The following COPB1 variants were observed in gnomAD, a reference collection of about 807,000 sequenced individuals.
COPB1 encodes coatomer subunit beta.
A neutral mutation model predicts 108.7 loss-of-function variants in COPB1; 21 were observed. That is an observed-to-expected ratio of 0.19 (90% CI 0.14 to 0.28). The LOEUF (loss-of-function observed/expected upper bound fraction) is 0.28. Among genes scored for constraint, COPB1 ranks in the 10% least tolerant of loss-of-function variants. COPB1 has a pLI of 1.00. For missense variants in COPB1, 919 were observed against 1,141.3 expected, an observed-to-expected ratio of 0.81 and a Z score of 2.81; for synonymous variants, 378 against 386.8, an observed-to-expected ratio of 0.98 and a Z score of 0.27.
chr11:14,458,401 A>T, intron 21 of COPB1, 131 bp downstream of exon 21: 1 of 838,156 alleles, frequency 1.2e-6, no homozygotes, highest in African/African-American at 1.8e-5. Flanking sequence ...ACTTCTATTC[A>T]GAGTATATTA....
chr11:14,481,826 T>C (rs1326026493), intron 8 of COPB1, among the ~76,000 whole-genome samples: 2 of 152,112 alleles, frequency 1.3e-5, no homozygotes, highest in African/African-American at 4.8e-5. Context: ...TCTTGCTCTG[T>C]CACCCAGGCT....
intron 21 of COPB1, 25 bp from the exon 22 acceptor site, chr11:14,457,908 A>G: frequency 5.7e-6 from 8 of 1,407,320 alleles, no homozygotes; most frequent in Non-Finnish European, 7.8e-6. Context: ...TAAGATATTT[A>G]TAATTATTTA....
intron 15 of COPB1, among the ~76,000 whole-genome samples, 155 bp from the exon 16 acceptor site, chr11:14,469,015 A>C (rs1850346301): frequency 6.6e-6 from 1 of 152,126 alleles, no homozygotes; most frequent in African/African-American, 2.4e-5. Flanking sequence ...TTTCTTCCTG[A>C]GACAGGCTGT....
At chr11:14,486,182 G>A (rs1355759293) in intron 7 of COPB1, among the ~76,000 whole-genome samples, 185 bp downstream of exon 7, 1 of 152,208 alleles carries the variant, frequency 6.6e-6, no homozygotes, top group East Asian at 1.9e-4. Context: ...ATATATGTGT[G>A]TATGAAAGCA....
intron 6 of COPB1, among the ~76,000 whole-genome samples, chr11:14,487,861 A>G (rs1850812298): frequency 6.6e-6 from 1 of 152,220 alleles, no homozygotes. Flanking sequence ...CATATTTAAT[A>G]AAGCCATCTG....
intron 5 of COPB1, among the ~76,000 whole-genome samples, chr11:14,489,471 C>G (rs1850847366): frequency 6.6e-6 from 1 of 152,188 alleles, no homozygotes; most frequent in Admixed American, 6.5e-5. Context: ...ATTGAAGCAA[C>G]CCAAGTGTCC....
In COPB1 at chr11:14,461,230, C is replaced by T. The variant is rs1271604862; in HGVS notation, c.2512G>A (p.Ala838Thr). Residue 838 changes from alanine to threonine, a missense_variant, in exon 19 of 22, where the codon GCA becomes ACA. Ala to Thr is a moderately conservative substitution (Grantham distance 58). Transcript: ENST00000439561. ...TCGGCCCACATCTGACGGAATTCTG[C>T]ATCAGTGCAAGTTGCAGGCTGGATA... Reference protein sequence around the residue: ...DYIQPATCTDAEFRQMWAEFE... With the variant: ...DYIQPATCTDTEFRQMWAEFE... 4 of 1,614,164 alleles carry T rather than the reference C, an allele frequency of 2.5e-6. No homozygotes were observed. The Admixed American group carries it at 6.7e-5, about 27-fold the overall frequency.
rs1419615447 is a variant in COPB1 at position 14,493,658 on chromosome 11, T to C, written c.475A>G (p.Ile159Val). 1.2e-6 allele frequency: 2 copies of C among 1,611,546 alleles called. No homozygotes were observed. Among genetic ancestry groups the C allele is most frequent in the Admixed American group, 3.4e-5 (2 of 59,416 alleles). ...TTTATTTACCTATAGATGGTATAGA[T>C]GGCCAAAACAGCATTTCTTCTAACA... ...SYVRRNAVLAIYTIYRNFEHL... is the reference protein window; with the variant it reads ...SYVRRNAVLAVYTIYRNFEHL... Residue 159 changes from isoleucine to valine, a missense_variant, in exon 4 of 22, where the codon ATC becomes GTC. Physicochemically the swap from Ile to Val is conservative, Grantham distance 29. Around this residue, in one of 5 missense-constraint regions of COPB1, gnomAD observed 78 missense variants for 95.4 expected, o/e 0.82. Coordinates refer to ENST00000439561, the MANE Select transcript of COPB1 (RefSeq NM_001144061.2).
At chr11:14,495,300 C>T (rs1850993342) in intron 2 of COPB1, among the ~76,000 whole-genome samples, 1 of 152,072 alleles carries the variant, frequency 6.6e-6, no homozygotes, top group Non-Finnish European at 1.5e-5. Flanking sequence ...AATGAATTAT[C>T]TTGGGAAGGG....
At chr11:14,487,670 G>A (rs959525051) in intron 6 of COPB1, among the ~76,000 whole-genome samples, 3 of 150,058 alleles carry the variant, frequency 2.0e-5, no homozygotes, top group African/African-American at 4.9e-5. Flanking sequence ...GTGAGACTCT[G>A]CCCAAAAAAA....
At chr11:14,481,520 C>T (rs537093456) in intron 8 of COPB1, among the ~76,000 whole-genome samples, 1 of 152,242 alleles carries the variant, frequency 6.6e-6, no homozygotes, top group South Asian at 2.1e-4. Flanking sequence ...AGGGCATAAC[C>T]ACCAAATACG....
At chr11:14,477,465 G>A (rs1057053488) in intron 11 of COPB1, among the ~76,000 whole-genome samples, 4 of 151,120 alleles carry the variant, frequency 2.6e-5, no homozygotes, top group African/African-American at 9.7e-5. Context: ...GCTGAGGCCA[G>A]CGGATCACTT....
At chr11:14,473,657 T>C (rs1565016194) in intron 14 of COPB1, among the ~76,000 whole-genome samples, 1 of 152,084 alleles carries the variant, frequency 6.6e-6, no homozygotes, top group Non-Finnish European at 1.5e-5. Flanking sequence ...ACAACTATGA[T>C]AGTAACATTA....
At chr11:14,468,571 T>C in intron 16 of COPB1, 110 bp downstream of exon 16, 1 of 1,029,884 alleles carries the variant, frequency 9.7e-7, no homozygotes, top group Non-Finnish European at 1.4e-6. Flanking sequence ...TTAATGGACC[T>C]ATCACAGTGA....
intron 14 of COPB1, among the ~76,000 whole-genome samples, chr11:14,473,189 G>T (rs1449484872): frequency 6.6e-6 from 1 of 152,132 alleles, no homozygotes; most frequent in African/African-American, 2.4e-5. Flanking sequence ...TGGCCAGGCT[G>T]GTCTCGAACT....
In COPB1 at chr11:14,458,527, G is replaced by A. The variant is rs949339997; in HGVS notation, c.2802+5C>T. The stretch of plus-strand genomic sequence containing the variant: ...AGATACTCTCAAAAAAAAAGGAACT[G>A]TTACCTGGCTCTTTGCACGAATTCT... On this transcript the variant is annotated splice_donor_5th_base_variant and intron_variant, in intron 21 of 21. Coordinates refer to ENST00000439561, the MANE Select transcript of COPB1 (RefSeq NM_001144061.2). 1.2e-6 allele frequency: 2 copies of A among 1,603,198 alleles called. No individual in the cohort carries two copies. Among genetic ancestry groups the A allele is most frequent in the South Asian group, 1.1e-5 (1 of 88,740 alleles).
intron 5 of COPB1, among the ~76,000 whole-genome samples, chr11:14,488,856 T>A (rs948060402): frequency 2.0e-5 from 3 of 152,198 alleles, no homozygotes; most frequent in Non-Finnish European, 4.4e-5. Context: ...GTTATGGGAT[T>A]CAGGGTATCC....
intron 12 of COPB1, among the ~76,000 whole-genome samples, chr11:14,476,182 G>C (rs1334266376): frequency 6.6e-6 from 1 of 152,116 alleles, no homozygotes; most frequent in African/African-American, 2.4e-5. Context: ...TTGGACCTCA[G>C]TTTCTTAATC....
chr11:14,463,434 C>T (rs1469815691), intron 18 of COPB1, among the ~76,000 whole-genome samples: 1 of 152,238 alleles, frequency 6.6e-6, no homozygotes, highest in Non-Finnish European at 1.5e-5. Flanking sequence ...TCTCCTGCCT[C>T]AGCCTCCCGA....
Sources: gnomAD v4.1 joint callset for allele counts (sites outside exome capture counted in the v4.1 genomes callset) on GRCh38, gnomAD v4.1.1 for gene constraint, gnomAD v4.1.1 regional missense constraint, MANE v1.5 for transcripts, NCBI Gene and HGNC (gene_info 2026-07-23, HGNC 2026-07-21) for gene names.